Variants in NTM observed in about 807,000 individuals in gnomAD.
NTM encodes the protein IgLON family member 2.
Under a neutral mutation model 42.1 loss-of-function variants are expected in NTM, and 13 were observed. The observed-to-expected ratio is 0.31, with a 90% CI of 0.20 to 0.49. The LOEUF (loss-of-function observed/expected upper bound fraction) is 0.49, where lower values mean the gene tolerates loss of function less well. Among genes scored for constraint, NTM ranks in the 20% least tolerant of loss-of-function variants. The pLI, the probability that NTM is intolerant of heterozygous loss-of-function variation, is 0.99. For synonymous variants in NTM, 187 were observed against 179.2 expected (o/e 1.04, Z -0.35); for missense variants, 373 against 452.8 (o/e 0.82, Z 1.60).
At chr11:131,743,048 T>C (rs1170205618) in intron 1 of NTM, among the ~76,000 whole-genome samples, 1 of 152,214 alleles carries the variant, frequency 6.6e-6, no homozygotes, top group Non-Finnish European at 1.5e-5. Context: ...AGTTCAATTA[T>C]TGCAAGAAAG....
At chr11:131,728,728 G>A (rs554439750) in intron 1 of NTM, among the ~76,000 whole-genome samples, 18 of 151,948 alleles carry the variant, frequency 1.2e-4, no homozygotes, top group South Asian at 2.1e-4. Context: ...TGGCCAATTC[G>A]TGATCAACTT....
intron 4 of NTM, among the ~76,000 whole-genome samples, chr11:132,249,819 T>C (rs1416030879): frequency 6.6e-6 from 1 of 152,234 alleles, no homozygotes; most frequent in African/African-American, 2.4e-5. Context: ...TGTTTTTACC[T>C]TCCCCCCGAT....
At chr11:131,966,857 G>C (rs78738639) in intron 2 of NTM, among the ~76,000 whole-genome samples, 1 of 152,212 alleles carries the variant, frequency 6.6e-6, no homozygotes, top group Non-Finnish European at 1.5e-5. Context: ...CAAGTGGTCA[G>C]ATAGGAAGCT....
intron 1 of NTM, among the ~76,000 whole-genome samples, chr11:131,611,299 G>A (rs1299105215): frequency 6.6e-6 from 1 of 152,180 alleles, no homozygotes; most frequent in Non-Finnish European, 1.5e-5. Flanking sequence ...CGATATCCTA[G>A]GATAGGAAGG....
At chr11:131,450,736 A>G (rs994379410) in intron 1 of NTM, among the ~76,000 whole-genome samples, 1 of 152,216 alleles carries the variant, frequency 6.6e-6, no homozygotes, top group Non-Finnish European at 1.5e-5. Flanking sequence ...CTTAATAGAG[A>G]TTATAACTTA....
chr11:131,554,683 C>T (rs911822623), intron 1 of NTM, among the ~76,000 whole-genome samples: 1 of 152,120 alleles, frequency 6.6e-6, no homozygotes, highest in African/African-American at 2.4e-5. Flanking sequence ...GCAAAGGAAT[C>T]CCTGAGGTTC....
At chr11:131,494,454 A>G (rs889190080) in intron 1 of NTM, among the ~76,000 whole-genome samples, 7 of 152,226 alleles carry the variant, frequency 4.6e-5, no homozygotes, top group Admixed American at 2.6e-4. Context: ...ATGCCTAATG[A>G]ATATGGTGAA....
chr11:131,817,192 G>C (rs887633933), intron 1 of NTM, among the ~76,000 whole-genome samples: 2 of 152,138 alleles, frequency 1.3e-5, no homozygotes, highest in African/African-American at 2.4e-5. Context: ...TCGCATCCAG[G>C]CTGTTCTGAG....
chr11:131,556,757 G>C (rs1328669521), intron 1 of NTM, among the ~76,000 whole-genome samples: 1 of 151,932 alleles, frequency 6.6e-6, no homozygotes, highest in Non-Finnish European at 1.5e-5. Flanking sequence ...TAGTAGAGAC[G>C]GGTTTTCACC....
chr11:131,425,797 G>C (rs939854077), intron 1 of NTM, among the ~76,000 whole-genome samples: 1 of 152,044 alleles, frequency 6.6e-6, no homozygotes, highest in Non-Finnish European at 1.5e-5. Context: ...GGTAGAAACT[G>C]TCCTTTAATT....
At chr11:132,043,249 C>A (rs1376915358) in intron 2 of NTM, among the ~76,000 whole-genome samples, 7 of 152,174 alleles carry the variant, frequency 4.6e-5, no homozygotes, top group Non-Finnish European at 1.0e-4. Flanking sequence ...CACTAAGGAC[C>A]TGAGCTTGGT....
intron 4 of NTM, among the ~76,000 whole-genome samples, chr11:132,303,200 C>T (rs1031501731): frequency 6.6e-6 from 1 of 152,252 alleles, no homozygotes; most frequent in Non-Finnish European, 1.5e-5. Context: ...CCCAGGACTA[C>T]TGTGACAAGG....
intron 2 of NTM, among the ~76,000 whole-genome samples, chr11:132,011,479 C>T (rs527986056): frequency 8.5e-5 from 13 of 152,082 alleles, no homozygotes; most frequent in Admixed American, 1.3e-4. Flanking sequence ...ACATTTGTTA[C>T]GTAGTTTCTT....
intron 1 of NTM, among the ~76,000 whole-genome samples, chr11:131,633,633 C>T (rs1159091247): frequency 1.3e-5 from 1 of 77,304 alleles, no homozygotes; most frequent in East Asian, 4.4e-4. Flanking sequence ...CTCTCTATCT[C>T]TGCCTCTCTC....
intron 3 of NTM, among the ~76,000 whole-genome samples, chr11:132,196,278 T>C (rs2080196525): frequency 1.3e-5 from 2 of 152,102 alleles, no homozygotes; most frequent in South Asian, 4.1e-4. Context: ...AATGCTATTA[T>C]TAAAAAGTCG....
intron 1 of NTM, among the ~76,000 whole-genome samples, chr11:131,771,916 C>T (rs1175900166): frequency 2.6e-5 from 4 of 152,190 alleles, no homozygotes; most frequent in Non-Finnish European, 4.4e-5. Flanking sequence ...CGTGAGAAGA[C>T]GTCATCCATA....
At chr11:131,466,253 G>T (rs1951876161) in intron 1 of NTM, among the ~76,000 whole-genome samples, 1 of 152,204 alleles carries the variant, frequency 6.6e-6, no homozygotes, top group Admixed American at 6.5e-5. Context: ...TTAACCGAGA[G>T]ATGAGCGGAG....
chr11:132,059,081 A>T (rs1305023936), intron 2 of NTM, among the ~76,000 whole-genome samples: 1 of 151,864 alleles, frequency 6.6e-6, no homozygotes. Flanking sequence ...AAGAAACCCC[A>T]CTCTGGTGCT....
intron 1 of NTM, among the ~76,000 whole-genome samples, chr11:131,853,489 C>T (rs926467044): frequency 7.2e-5 from 11 of 152,132 alleles, no homozygotes; most frequent in African/African-American, 1.4e-4. Context: ...TGAGAGCATG[C>T]GGTATTTGGT....
Sources: allele counts gnomAD v4.1 joint callset (sites outside exome capture counted in the v4.1 genomes callset), GRCh38; gene constraint gnomAD v4.1.1; transcripts MANE v1.5; gene names NCBI Gene and HGNC (gene_info 2026-07-23, HGNC 2026-07-21).